IL10RB: variants seen among roughly 807,000 people sequenced by gnomAD.
IL10RB encodes interleukin-10 receptor subunit beta.
In IL10RB, 30 loss-of-function variants were observed where a neutral mutation model predicts 38.7. That is an observed-to-expected ratio of 0.78 (90% CI 0.58 to 1.05). IL10RB has a LOEUF of 1.05. Ranked by LOEUF, IL10RB falls within the 50% of genes least tolerant of loss-of-function variation. IL10RB has a pLI of 0.00. For missense variants in IL10RB, 328 were observed against 397.1 expected, an observed-to-expected ratio of 0.83 and a Z score of 1.48; for synonymous variants, 142 against 145.9, an observed-to-expected ratio of 0.97 and a Z score of 0.19.
chr21:33,278,820 A>T (rs889883513), intron 3 of IL10RB, among the ~76,000 whole-genome samples: 1 of 152,242 alleles, frequency 6.6e-6, no homozygotes, highest in Non-Finnish European at 1.5e-5. Flanking sequence ...TGGTTTTCAG[A>T]CGAGCACTTT....
chr21:33,266,680 T>A (rs1296174879), intron 1 of IL10RB, among the ~76,000 whole-genome samples, 166 bp downstream of exon 1: 1 of 152,228 alleles, frequency 6.6e-6, no homozygotes, highest in East Asian at 1.9e-4. Context: ...ACTAGGCTGC[T>A]GCTGCCGTCG....
chr21:33,292,998 C>G (rs1035059205), intron 6 of IL10RB, among the ~76,000 whole-genome samples: 1 of 152,234 alleles, frequency 6.6e-6, no homozygotes, highest in African/African-American at 2.4e-5. Context: ...AACATGCTGC[C>G]TCCAGAACCC....
At chr21:33,291,423 G>A (rs1388125058) in intron 6 of IL10RB, among the ~76,000 whole-genome samples, 1 of 152,122 alleles carries the variant, frequency 6.6e-6, no homozygotes, top group Admixed American at 6.5e-5. Context: ...CCTCCACCAC[G>A]CCCGGCTAAT....
At chr21:33,287,998 T>C (rs959602942) in intron 5 of IL10RB, 106 bp from the exon 6 acceptor site, 2 of 1,112,716 alleles carry the variant, frequency 1.8e-6, no homozygotes, top group African/African-American at 3.1e-5. Flanking sequence ...TCCCCCAAGA[T>C]AAACGTACAG....
rs1989542495 is a variant in IL10RB, at chr21:33,294,100, T to G, written c.805-2084T>G. On this transcript the variant is annotated intron_variant, in intron 6 of 6. Coordinates refer to ENST00000290200, the MANE Select transcript of IL10RB (RefSeq NM_000628.5). ...TCTCACCTCCGAGGCTAGAAGACTTTGCAGACTTGACCGTGGAGCCAGCCC... is the reference window on the plus strand; with the variant it reads ...TCTCACCTCCGAGGCTAGAAGACTTGGCAGACTTGACCGTGGAGCCAGCCC... 6.4e-6 allele frequency: 3 copies of G among 469,326 alleles called. No homozygotes were observed. In the Admixed American group the frequency reaches 7.1e-5, roughly 11 times the overall value. The allele number at this position is 469,326 out of a possible 1,614,324, so 29.1% of individuals were successfully genotyped here.
chr21:33,285,629 T>C (rs1989358705), intron 5 of IL10RB, among the ~76,000 whole-genome samples: 1 of 152,136 alleles, frequency 6.6e-6, no homozygotes, highest in African/African-American at 2.4e-5. Flanking sequence ...GATGCCCCAG[T>C]TTGAGACACC....
At chr21:33,268,227 A>G (rs1004512782) in intron 1 of IL10RB, 167 bp from the exon 2 acceptor site, 70 of 1,525,752 alleles carry the variant, frequency 4.6e-5, no homozygotes, top group Non-Finnish European at 8.8e-6. Flanking sequence ...GGCTGTTCAA[A>G]GAAAATCTAG....
chr21:33,288,009 G>T (rs1989406814), intron 5 of IL10RB, 95 bp from the exon 6 acceptor site: 1 of 1,181,450 alleles, frequency 8.5e-7, no homozygotes. Context: ...AAACGTACAG[G>T]CTCTGTTTTC....
chr21:33,283,117 C>G lies in IL10RB; in HGVS notation c.522C>G (p.Asp174Glu). 6.2e-7 allele frequency: 1 copy of G among 1,613,554 alleles called. No homozygotes were observed. The change falls in exon 5 of 7, where the codon GAC becomes GAG. Residue 174 changes from aspartate to glutamate, a missense_variant. Physicochemically the swap from Asp to Glu is conservative, Grantham distance 45. Coordinates refer to ENST00000290200, the MANE Select transcript of IL10RB (RefSeq NM_000628.5). ...AGTTTCAAATTACTCCCCAGTATGA[C>G]TTTGAGGTCCTCAGAAACCTGGAGC... ...DEKFQITPQY[D>E]FEVLRNLEPW... is the part of the protein sequence containing the mutation.
At chr21:33,298,366 C>G (rs987068751), downstream of IL10RB, among the ~76,000 whole-genome samples, 2 of 152,156 alleles carry the variant, frequency 1.3e-5, no homozygotes, top group African/African-American at 4.8e-5. Flanking sequence ...GTAATCCCAG[C>G]ACTTTCGGAG....
chr21:33,299,522 ATAT>A (rs1383481126), downstream of IL10RB, among the ~76,000 whole-genome samples: 3 of 152,032 alleles, frequency 2.0e-5, no homozygotes, highest in Non-Finnish European at 4.4e-5. Flanking sequence ...CTTGTTGAAA[ATAT>A]CTCACTTCCT....
At chr21:33,299,542 G>A (rs1236208801), downstream of IL10RB, among the ~76,000 whole-genome samples, 1 of 152,042 alleles carries the variant, frequency 6.6e-6, no homozygotes, top group Non-Finnish European at 1.5e-5. Context: ...TCCTTTTGGG[G>A]CTCCTGCCCC....
At chr21:33,295,660 A>C (rs1178763323) in intron 6 of IL10RB, among the ~76,000 whole-genome samples, 1 of 121,740 alleles carries the variant, frequency 8.2e-6, no homozygotes, top group Admixed American at 9.3e-5. Context: ...CGACAGAGCG[A>C]GACTCCATCT....
intron 2 of IL10RB, among the ~76,000 whole-genome samples, chr21:33,274,547 G>A (rs887124786): frequency 1.6e-4 from 25 of 152,328 alleles, no homozygotes; most frequent in East Asian, 3.9e-4. Flanking sequence ...CAGAATGGAT[G>A]TTGTGTTAGC....
chr21:33,267,503 T>TTTG (rs1489130574), intron 1 of IL10RB, among the ~76,000 whole-genome samples: 30 of 80,746 alleles, frequency 3.7e-4, no homozygotes, highest in African/African-American at 1.2e-3. Flanking sequence ...TGTTTGTTTG[T>TTTG]TTTTTTGTTT....
rs1568911982 is a variant in IL10RB, at chr21:33,293,686, A to G, written c.805-2498A>G. On this transcript the variant is annotated intron_variant, in intron 6 of 6. Transcript: ENST00000290200. ...AAATACAAAAATTAGCCACGCCTGT[A>G]ATCCCAGCTACTCAGGAGGCTGAGG... Among the ~76,000 whole-genome samples the G allele has an allele frequency of 2.6e-5, 4 of 152,166 alleles. No individual in the cohort carries two copies. The East Asian group carries it at 5.8e-4, about 22-fold the overall frequency.
At chr21:33,283,270 C>T (rs143315678) in intron 5 of IL10RB, 29 bp downstream of exon 5, 1 of 1,610,060 alleles carries the variant, frequency 6.2e-7, no homozygotes, top group East Asian at 2.2e-5. Context: ...CTCCGCTAAG[C>T]ATCCTAAACA....
Position 33,277,585 on chromosome 21 carries a change from C to T in IL10RB, c.331+832C>T, listed in dbSNP as rs8178476. Among the ~76,000 whole-genome samples, 1,452 of 151,558 alleles carry T rather than the reference C, an allele frequency of 9.6e-3. 28 individuals carry two copies. Among genetic ancestry groups the T allele is most frequent in the African/African-American group, 0.032 (1,311 of 41,306 alleles). ...TTGTCTCTGGCTAGGCATGGTGGCT[C>T]ACGTCTATGATCCCAACACTTTGGG... On this transcript the variant is annotated intron_variant, in intron 3 of 6. Transcript: ENST00000290200.
chr21:33,297,742 G>T (rs1224965292), downstream of IL10RB, among the ~76,000 whole-genome samples: 1 of 152,028 alleles, frequency 6.6e-6, no homozygotes, highest in African/African-American at 2.4e-5. Flanking sequence ...GAGCCCAGGA[G>T]GTCAAGACTG....
Sources: allele counts gnomAD v4.1 joint callset (sites outside exome capture counted in the v4.1 genomes callset), GRCh38; gene constraint gnomAD v4.1.1; transcripts MANE v1.5; gene names NCBI Gene and HGNC (gene_info 2026-07-23, HGNC 2026-07-21).